Variants in GNAL observed in about 807,000 individuals in gnomAD.
GNAL encodes guanine nucleotide-binding protein G(olf) subunit alpha.
GNAL carries 18 observed loss-of-function variants against 55.1 expected under a neutral mutation model. The observed-to-expected ratio is 0.33, with a 90% confidence interval of 0.23 to 0.48. GNAL has a LOEUF of 0.48. GNAL is among the 20% of genes least tolerant of loss of function. The probability of loss-of-function intolerance (pLI) is 0.99; values close to 1 mark genes in which losing one functional copy is unlikely to be tolerated. For synonymous variants in GNAL, 253 were observed against 237.0 expected, an observed-to-expected ratio of 1.07 and a Z score of -0.62; for missense variants, 412 against 614.1, an observed-to-expected ratio of 0.67 and a Z score of 3.48.
At chr18:11,728,640 GT>G (rs1287327675) in intron 1 of GNAL, among the ~76,000 whole-genome samples, 8 of 152,126 alleles carry the variant, frequency 5.3e-5, no homozygotes, top group African/African-American at 1.2e-4. Context: ...CTGCTTAATA[GT>G]TTCTACAATT....
chr18:11,818,450 T>G (rs1291665029), intron 4 of GNAL, among the ~76,000 whole-genome samples: 3 of 152,226 alleles, frequency 2.0e-5, no homozygotes, highest in African/African-American at 7.2e-5. Context: ...TGCCTGTTTC[T>G]AAGGCTCATG....
At chr18:11,845,609 T>C (rs1336873194) in intron 5 of GNAL, among the ~76,000 whole-genome samples, 2 of 150,606 alleles carry the variant, frequency 1.3e-5, no homozygotes, top group Non-Finnish European at 2.9e-5. Context: ...AGGAGTAGAT[T>C]TTCCTCCTAC....
intron 10 of GNAL, among the ~76,000 whole-genome samples, chr18:11,873,723 A>G (rs568820282): frequency 1.3e-5 from 2 of 152,368 alleles, no homozygotes; most frequent in East Asian, 1.9e-4. Flanking sequence ...ACATCATCAG[A>G]GCATGGCTTC....
chr18:11,792,827 A>G lies in GNAL; in HGVS notation c.625-32091A>G, dbSNP rs999129276. 7.9e-5 allele frequency among the ~76,000 whole-genome samples: 12 copies of G among 152,358 alleles called. No individual in the cohort carries two copies. The East Asian group carries it at 2.3e-3, about 29-fold the overall frequency. On this transcript the variant is annotated intron_variant, in intron 4 of 11. Transcript: ENST00000334049. ...TTTGGCAAACTACCAACCTGGTGACATGGTGATGCAACTTCCATATGACAG... is the reference window on the plus strand; with the variant it reads ...TTTGGCAAACTACCAACCTGGTGACGTGGTGATGCAACTTCCATATGACAG...
chr18:11,863,009 G>A (rs953027496), intron 6 of GNAL, among the ~76,000 whole-genome samples: 1 of 151,864 alleles, frequency 6.6e-6, no homozygotes, highest in African/African-American at 2.4e-5. Context: ...CTTCCAAGTA[G>A]CTGGGATTAC....
At chr18:11,835,002 G>A (rs1311465263) in intron 5 of GNAL, among the ~76,000 whole-genome samples, 1 of 152,146 alleles carries the variant, frequency 6.6e-6, no homozygotes, top group South Asian at 2.1e-4. Context: ...GTGCTGCATT[G>A]TCTACAAAAA....
At chr18:11,851,576 C>A in intron 5 of GNAL, 1 of 1,612,374 alleles carries the variant, frequency 6.2e-7, no homozygotes, top group Non-Finnish European at 8.5e-7. Flanking sequence ...AGTAGGAGTG[C>A]CAAAAAATGC....
chr18:11,852,217 T>A, intron 5 of GNAL: 1 of 1,354,862 alleles, frequency 7.4e-7, no homozygotes, highest in South Asian at 1.5e-5. Context: ...GCCAGAATGC[T>A]GAAATGCCCT....
At chr18:11,825,598 G>A (rs886244347) in intron 5 of GNAL, among the ~76,000 whole-genome samples, 1 of 152,096 alleles carries the variant, frequency 6.6e-6, no homozygotes, top group Non-Finnish European at 1.5e-5. Context: ...AGGCGTGGTG[G>A]TGGGTGCCTG....
chr18:11,781,139 T>C (rs914093394), intron 4 of GNAL, among the ~76,000 whole-genome samples: 2 of 152,198 alleles, frequency 1.3e-5, no homozygotes, highest in Non-Finnish European at 2.9e-5. Flanking sequence ...ACTTTAAATA[T>C]AGGGAAAATT....
intron 4 of GNAL, among the ~76,000 whole-genome samples, chr18:11,778,009 T>C (rs563505064): frequency 6.6e-6 from 1 of 152,252 alleles, no homozygotes; most frequent in East Asian, 1.9e-4. Context: ...AATCAGCACC[T>C]CCCCACCAGC....
At chr18:11,850,256 T>C (rs1344908784) in intron 5 of GNAL, among the ~76,000 whole-genome samples, 1 of 152,190 alleles carries the variant, frequency 6.6e-6, no homozygotes, top group African/African-American at 2.4e-5. Context: ...TTAGCCTCCA[T>C]GCCCGGGGTT....
intron 4 of GNAL, among the ~76,000 whole-genome samples, chr18:11,815,487 G>C (rs2034932167): frequency 6.6e-6 from 1 of 152,114 alleles, no homozygotes; most frequent in Admixed American, 6.6e-5. Flanking sequence ...GCAGGAGAAA[G>C]AGAGAAGCGG....
chr18:11,769,104 A>G lies in GNAL; in HGVS notation c.624+15159A>G, dbSNP rs1160846830. On this transcript the variant is annotated intron_variant, in intron 4 of 11. Transcript: ENST00000334049. ...TAAATTATATGTAATATATATTATA[A>G]TATAGATTATATAAATTATATGTAA... is the stretch of plus-strand genomic sequence containing the variant. 7.7e-4 allele frequency among the ~76,000 whole-genome samples: 77 copies of G among 100,062 alleles called. 4 individuals carry two copies. The highest frequency in any genetic ancestry group is 1.3e-3 in the Non-Finnish European group (75 of 58,818). 65.6% of individuals were successfully genotyped at this position (100,062 alleles called of 152,430 possible). A position where few individuals can be genotyped will look rare whatever the true frequency, so the allele number is the denominator to read the frequency against.
chr18:11,715,960 C>T (rs932649491), intron 1 of GNAL, among the ~76,000 whole-genome samples: 1 of 151,150 alleles, frequency 6.6e-6, no homozygotes, highest in South Asian at 2.1e-4. Flanking sequence ...CATCTCACAC[C>T]AATCAGAATG....
intron 4 of GNAL, among the ~76,000 whole-genome samples, chr18:11,800,405 TATC>T (rs2034493471): frequency 6.6e-6 from 1 of 152,214 alleles, no homozygotes; most frequent in South Asian, 2.1e-4. Flanking sequence ...CATTGCTTAT[TATC>T]CTCTCACTGG....
chr18:11,719,596 A>G (rs114855832), intron 1 of GNAL, among the ~76,000 whole-genome samples: 1 of 152,228 alleles, frequency 6.6e-6, no homozygotes, highest in Non-Finnish European at 1.5e-5. Context: ...TAAGTCATGC[A>G]ATCTGTTGAT....
intron 5 of GNAL, among the ~76,000 whole-genome samples, chr18:11,841,575 G>A (rs558618856): frequency 6.6e-6 from 1 of 151,604 alleles, no homozygotes. Flanking sequence ...AACCTGGGAG[G>A]CAGAGGTTGC....
At chr18:11,788,141 C>A (rs1165932332) in intron 4 of GNAL, among the ~76,000 whole-genome samples, 1 of 152,156 alleles carries the variant, frequency 6.6e-6, no homozygotes, top group Non-Finnish European at 1.5e-5. Flanking sequence ...GTGGAATAAA[C>A]GTGTTATTCC....
Sources: gnomAD v4.1 joint callset for allele counts (sites outside exome capture counted in the v4.1 genomes callset) on GRCh38, gnomAD v4.1.1 for gene constraint, MANE v1.5 for transcripts, NCBI Gene and HGNC (gene_info 2026-07-23, HGNC 2026-07-21) for gene names.